The following PLA2G4A variants were observed in gnomAD, a reference collection of about 807,000 sequenced individuals.
PLA2G4A encodes phospholipase A2 group IVA.
A neutral mutation model predicts 81.9 loss-of-function variants in PLA2G4A; 40 were observed. The observed-to-expected ratio is 0.49, with a 90% CI of 0.38 to 0.64. The LOEUF (loss-of-function observed/expected upper bound fraction) is 0.64. Ranked by LOEUF, PLA2G4A falls within the 30% of genes least tolerant of loss-of-function variation. PLA2G4A has a pLI of 0.00. For synonymous variants in PLA2G4A, 302 were observed against 296.9 expected (o/e 1.02, Z -0.18); for missense variants, 715 against 905.1 (o/e 0.79, Z 2.69).
At chr1:186,847,860 T>C (rs1411590018) in intron 1 of PLA2G4A, among the ~76,000 whole-genome samples, 2 of 152,098 alleles carry the variant, frequency 1.3e-5, no homozygotes, top group Non-Finnish European at 2.9e-5. Context: ...ATTTGTCTTC[T>C]GCAGTAGGCT....
At position 186,981,043 on chromosome 1, in the gene PLA2G4A, T is replaced by C. The variant is rs568902983; in HGVS notation, c.2118+1571T>C. ...GAGAAAAAATGATTAATCTCTGATT[T>C]GTAGGGAGTGAACATAAATTCTCAA... is the stretch of plus-strand genomic sequence containing the variant. On this transcript the variant is annotated intron_variant, in intron 17 of 17. Coordinates refer to ENST00000367466, the MANE Select transcript of PLA2G4A (RefSeq NM_024420.3). 4.4e-4 allele frequency among the ~76,000 whole-genome samples: 67 copies of C among 152,302 alleles called. No individual in the cohort carries two copies. In the South Asian group the frequency reaches 0.013, roughly 31 times the overall value.
At chr1:186,936,585 G>T (rs886476145) in intron 8 of PLA2G4A, among the ~76,000 whole-genome samples, 1 of 151,926 alleles carries the variant, frequency 6.6e-6, no homozygotes, top group African/African-American at 2.4e-5. Context: ...AATCACTTCT[G>T]CTCTTTTTTA....
intron 13 of PLA2G4A, among the ~76,000 whole-genome samples, chr1:186,952,913 G>T (rs1656615625): frequency 6.6e-6 from 1 of 151,994 alleles, no homozygotes; most frequent in Non-Finnish European, 1.5e-5. Flanking sequence ...ATATTACATT[G>T]TCAGGTTGTG....
chr1:186,894,936 A>G lies in PLA2G4A; in HGVS notation c.378+725A>G, dbSNP rs12720538. Among the ~76,000 whole-genome samples, 30 of 152,262 alleles carry G rather than the reference A, an allele frequency of 2.0e-4. 1 individual carries two copies. The South Asian group carries it at 6.2e-3, about 32-fold the overall frequency. On this transcript the variant is annotated intron_variant, in intron 5 of 17. Transcript: ENST00000367466. ...CTGTATGTGTAAGGCTGGTTACCAT[A>G]CTAATTTCTTGTTGTTGGGAGAGAC...
At chr1:186,884,871 G>C (rs1323512843) in intron 3 of PLA2G4A, among the ~76,000 whole-genome samples, 1 of 141,938 alleles carries the variant, frequency 7.0e-6, no homozygotes, top group Non-Finnish European at 1.5e-5. Context: ...CAGGCTGGTT[G>C]ACAGAGTAAG....
At chr1:186,971,556 T>C (rs1023690084) in intron 15 of PLA2G4A, among the ~76,000 whole-genome samples, 2 of 151,990 alleles carry the variant, frequency 1.3e-5, no homozygotes, top group African/African-American at 4.8e-5. Flanking sequence ...TTACACATAA[T>C]ATAGTTTTTC....
chr1:186,925,370 A>G (rs1655511673), intron 7 of PLA2G4A, among the ~76,000 whole-genome samples: 1 of 152,216 alleles, frequency 6.6e-6, no homozygotes, highest in Non-Finnish European at 1.5e-5. Flanking sequence ...GAATGTTTCA[A>G]AACAGAAACC....
chr1:186,833,523 T>C (rs1651672862), intron 1 of PLA2G4A, among the ~76,000 whole-genome samples: 1 of 152,124 alleles, frequency 6.6e-6, no homozygotes, highest in African/African-American at 2.4e-5. Flanking sequence ...AATAAATAGT[T>C]GGGGGAACCA....
intron 15 of PLA2G4A, among the ~76,000 whole-genome samples, chr1:186,974,940 G>C (rs1412986656): frequency 6.6e-6 from 1 of 152,104 alleles, no homozygotes; most frequent in Admixed American, 6.5e-5. Context: ...TGATTCTAGC[G>C]TGAAGTGAAC....
At chr1:186,924,185 C>A (rs1414061589) in intron 7 of PLA2G4A, among the ~76,000 whole-genome samples, 1 of 152,218 alleles carries the variant, frequency 6.6e-6, no homozygotes, top group Admixed American at 6.5e-5. Context: ...AAAATATAAA[C>A]ATGTTCTAAA....
chr1:186,983,590 G>A (rs1280218127), intron 17 of PLA2G4A, among the ~76,000 whole-genome samples: 5 of 152,144 alleles, frequency 3.3e-5, no homozygotes, highest in Non-Finnish European at 5.9e-5. Context: ...TCATGACAGC[G>A]GCCTGGGTTT....
intron 7 of PLA2G4A, among the ~76,000 whole-genome samples, chr1:186,927,546 G>T (rs1242023561): frequency 6.6e-6 from 1 of 152,172 alleles, no homozygotes; most frequent in Non-Finnish European, 1.5e-5. Context: ...TGGAATTAGA[G>T]TAGTAAAGAA....
chr1:186,897,823 T>A (rs568648667), intron 5 of PLA2G4A, among the ~76,000 whole-genome samples: 2 of 152,294 alleles, frequency 1.3e-5, no homozygotes, highest in Non-Finnish European at 2.9e-5. Context: ...TTATTTTTTA[T>A]GTTAGGTTCA....
intron 1 of PLA2G4A, among the ~76,000 whole-genome samples, chr1:186,851,265 G>T (rs1238500966): frequency 1.3e-5 from 2 of 151,950 alleles, no homozygotes; most frequent in African/African-American, 2.4e-5. Flanking sequence ...GGAGAGGGAG[G>T]ACATAAGCTC....
At chr1:186,843,775 G>A (rs766184137) in intron 1 of PLA2G4A, among the ~76,000 whole-genome samples, 1 of 152,266 alleles carries the variant, frequency 6.6e-6, no homozygotes, top group African/African-American at 2.4e-5. Context: ...TAGAGGAAAT[G>A]TTTCCACTTC....
intron 2 of PLA2G4A, among the ~76,000 whole-genome samples, chr1:186,855,444 A>C (rs1021134001): frequency 6.6e-6 from 1 of 151,958 alleles, no homozygotes; most frequent in Non-Finnish European, 1.5e-5. Flanking sequence ...AAAGTGCATA[A>C]ATCTTAATTG....
chr1:186,904,645 C>G (rs1654671017), intron 5 of PLA2G4A, among the ~76,000 whole-genome samples: 1 of 152,184 alleles, frequency 6.6e-6, no homozygotes, highest in Non-Finnish European at 1.5e-5. Flanking sequence ...TTCAAAATGG[C>G]AGAAAAATCC....
chr1:186,887,532 T>G (rs929802065), intron 3 of PLA2G4A, among the ~76,000 whole-genome samples: 1 of 152,128 alleles, frequency 6.6e-6, no homozygotes, highest in Non-Finnish European at 1.5e-5. Context: ...CATTTTTTGT[T>G]TGTCAAGATT....
At chr1:186,909,160 G>C (rs1195047712) in intron 6 of PLA2G4A, among the ~76,000 whole-genome samples, 2 of 149,900 alleles carry the variant, frequency 1.3e-5, no homozygotes, top group Non-Finnish European at 3.0e-5. Context: ...ATTTTTAGTA[G>C]AGACGGGGTT....
Sources: allele counts gnomAD v4.1 joint callset (sites outside exome capture counted in the v4.1 genomes callset), GRCh38; gene constraint gnomAD v4.1.1; transcripts MANE v1.5; gene names NCBI Gene and HGNC (gene_info 2026-07-23, HGNC 2026-07-21).